PDE10A: variants seen among roughly 807,000 people sequenced by gnomAD.
PDE10A encodes the protein phosphodiesterase 10A, also known as cAMP and cAMP-inhibited cGMP 3',5'-cyclic phosphodiesterase 10A.
A neutral mutation model predicts 97.7 loss-of-function variants in PDE10A; 39 were observed. The observed-to-expected ratio is 0.40, with a 90% CI of 0.31 to 0.52. PDE10A has a LOEUF of 0.52. PDE10A is among the 20% of genes least tolerant of loss of function. The probability of loss-of-function intolerance (pLI) is 0.56; values close to 1 mark genes in which losing one functional copy is unlikely to be tolerated. For synonymous variants in PDE10A, 371 were observed against 376.8 expected, an observed-to-expected ratio of 0.98 and a Z score of 0.18; for missense variants, 731 against 1,047.8, an observed-to-expected ratio of 0.70 and a Z score of 4.17.
At chr6:165,512,073 G>C (rs2128302253) in intron 2 of PDE10A, among the ~76,000 whole-genome samples, 1 of 151,650 alleles carries the variant, frequency 6.6e-6, no homozygotes, top group Admixed American at 6.6e-5. Context: ...GTTTTTTTCT[G>C]GTTGTTTGTA....
At chr6:165,771,934 C>G (rs1778023333) in intron 1 of PDE10A, among the ~76,000 whole-genome samples, 1 of 152,210 alleles carries the variant, frequency 6.6e-6, no homozygotes, top group African/African-American at 2.4e-5. Flanking sequence ...CACCAGAAGG[C>G]TCTGGCTGGG....
rs891303935 is a variant in PDE10A, at chr6:165,818,392, G to A, written c.-615+169137C>T. Among the ~76,000 whole-genome samples, 8 of 152,190 alleles carry A rather than the reference G, an allele frequency of 5.3e-5. No homozygotes were observed. The South Asian group carries it at 8.3e-4, about 16-fold the overall frequency. On this transcript the variant is annotated intron_variant, in intron 1 of 19. Coordinates refer to the PDE10A transcript ENST00000366882. ...TCTGTGCTAGTGGGTTGGTAACAATGGTGAAATGAAATGCGACTCTGCGGG... is the reference window on the plus strand; with the variant it reads ...TCTGTGCTAGTGGGTTGGTAACAATAGTGAAATGAAATGCGACTCTGCGGG...
rs565920875 is a variant in PDE10A at position 165,866,360 on chromosome 6, T to C, written c.-615+121169A>G. Among the ~76,000 whole-genome samples, 307 of 132,878 alleles carry C rather than the reference T, an allele frequency of 2.3e-3. 2 individuals are homozygous for C. The highest frequency in any genetic ancestry group is 7.8e-3 in the African/African-American group (297 of 38,246). The allele number at this position is 132,878 out of a possible 152,430, so 87.2% of individuals were successfully genotyped here. Reference sequence around the variant, plus strand: ...CTTGCCCTTAGTGCACGTGTTGGTGTTGTCCTGAATCACTAGGATTTTATT... The same window carrying C: ...CTTGCCCTTAGTGCACGTGTTGGTGCTGTCCTGAATCACTAGGATTTTATT... On this transcript the variant is annotated intron_variant, in intron 1 of 19. Coordinates refer to the PDE10A transcript ENST00000366882.
chr6:165,931,167 G>A (rs1324969198), intron 1 of PDE10A, among the ~76,000 whole-genome samples: 2 of 152,166 alleles, frequency 1.3e-5, no homozygotes, highest in African/African-American at 2.4e-5. Context: ...GCTCAAGTGC[G>A]ACCACTTCAG....
intron 1 of PDE10A, among the ~76,000 whole-genome samples, chr6:165,613,110 C>A (rs542587604): frequency 2.0e-5 from 3 of 152,126 alleles, no homozygotes; most frequent in Non-Finnish European, 4.4e-5. Flanking sequence ...AACTAGAAAA[C>A]AAATCCCTTA....
At chr6:165,461,601 AC>A (rs542679077) in intron 3 of PDE10A, among the ~76,000 whole-genome samples, 46 of 152,360 alleles carry the variant, frequency 3.0e-4, no homozygotes, top group Non-Finnish European at 6.0e-4. Flanking sequence ...CAGATGAACA[AC>A]TGATGACTTT....
At chr6:165,758,604 C>A (rs1793178342) in intron 1 of PDE10A, among the ~76,000 whole-genome samples, 2 of 146,106 alleles carry the variant, frequency 1.4e-5, no homozygotes, top group Non-Finnish European at 3.0e-5. Context: ...GAGGCAGCAG[C>A]AGAAGAAGCA....
At chr6:165,980,760 A>G (rs1474890043) in intron 1 of PDE10A, among the ~76,000 whole-genome samples, 1 of 152,182 alleles carries the variant, frequency 6.6e-6, no homozygotes, top group East Asian at 1.9e-4. Context: ...TGTATAATAT[A>G]CTTGCATGTA....
At position 165,505,378 on chromosome 6, in the gene PDE10A, C is replaced by T. The variant is rs547157015; in HGVS notation, c.995-23035G>A. 7.2e-5 allele frequency among the ~76,000 whole-genome samples: 11 copies of T among 152,274 alleles called. No individual in the cohort carries two copies. In the South Asian group the frequency reaches 2.3e-3, roughly 32 times the overall value. ...AGTTAAATCAATAAATATATAACTACTCACATTTCTTATAACAAGAAACAT... is the reference window on the plus strand; with the variant it reads ...AGTTAAATCAATAAATATATAACTATTCACATTTCTTATAACAAGAAACAT... On this transcript the variant is annotated intron_variant, in intron 2 of 21. Transcript: ENST00000539869.
chr6:165,924,234 A>AAG (rs1782854194), intron 1 of PDE10A, among the ~76,000 whole-genome samples: 1 of 151,840 alleles, frequency 6.6e-6, no homozygotes, highest in African/African-American at 2.4e-5. Flanking sequence ...TGGCTTACAT[A>AAG]TTGGATAGAA....
At chr6:165,798,412 C>T (rs1029807707) in intron 1 of PDE10A, among the ~76,000 whole-genome samples, 4 of 152,170 alleles carry the variant, frequency 2.6e-5, no homozygotes, top group African/African-American at 9.7e-5. Flanking sequence ...GGTCCCGGTG[C>T]TAAGTCATTC....
chr6:165,659,920 C>T (rs1790152859), intron 1 of PDE10A: 1 of 152,660 alleles, frequency 6.6e-6, no homozygotes, highest in Non-Finnish European at 1.5e-5. Flanking sequence ...GTTTCAGCAG[C>T]ACCAACAGAA....
At chr6:165,429,230 T>G (rs1045417608) in intron 9 of PDE10A, among the ~76,000 whole-genome samples, 1 of 152,082 alleles carries the variant, frequency 6.6e-6, no homozygotes, top group South Asian at 2.1e-4. Flanking sequence ...TGACTTTATA[T>G]GAGTATATAT....
At chr6:165,490,395 C>G (rs1039743517) in intron 2 of PDE10A, among the ~76,000 whole-genome samples, 1 of 152,056 alleles carries the variant, frequency 6.6e-6, no homozygotes, top group Non-Finnish European at 1.5e-5. Context: ...AAACAAATGC[C>G]AAGAGAATTC....
At chr6:165,425,930 A>C (rs1189911800) in intron 10 of PDE10A, among the ~76,000 whole-genome samples, 1 of 152,084 alleles carries the variant, frequency 6.6e-6, no homozygotes, top group Non-Finnish European at 1.5e-5. Context: ...AAAATCAAAA[A>C]ATAAAGAAAA....
chr6:165,610,925 C>G (rs371688626), intron 1 of PDE10A, among the ~76,000 whole-genome samples: 1 of 152,112 alleles, frequency 6.6e-6, no homozygotes, highest in African/African-American at 2.4e-5. Flanking sequence ...CCTCAGCTCT[C>G]TTCTCTATAA....
At chr6:165,665,261 T>C (rs1178539703), upstream of PDE10A, among the ~76,000 whole-genome samples, 1 of 152,362 alleles carries the variant, frequency 6.6e-6, no homozygotes. Flanking sequence ...CTTTTCTTCA[T>C]GAACTTTGCT....
At chr6:165,497,112 C>T (rs1025902424) in intron 2 of PDE10A, among the ~76,000 whole-genome samples, 6 of 151,970 alleles carry the variant, frequency 3.9e-5, no homozygotes, top group African/African-American at 1.4e-4. Flanking sequence ...ATGGGGGTTA[C>T]ATATAAGTTC....
chr6:165,892,572 C>T (rs148187611), intron 1 of PDE10A, among the ~76,000 whole-genome samples: 1 of 152,330 alleles, frequency 6.6e-6, no homozygotes, highest in Non-Finnish European at 1.5e-5. Context: ...CATGCGCTCT[C>T]CTTGGACTTC....
Sources: allele counts gnomAD v4.1 joint callset (sites outside exome capture counted in the v4.1 genomes callset), GRCh38; gene constraint gnomAD v4.1.1; transcripts MANE v1.5; gene names NCBI Gene and HGNC (gene_info 2026-07-23, HGNC 2026-07-21).